Variants in TESK2 observed in about 807,000 individuals in gnomAD.
The protein encoded by TESK2 is testis associated actin remodelling kinase 2, also known as dual specificity testis-specific protein kinase 2.
In TESK2, 39 loss-of-function variants were observed where a neutral mutation model predicts 57.1. The ratio of observed to expected loss-of-function variants is 0.68; its 90% CI spans 0.53 to 0.89. TESK2 has a LOEUF of 0.89. Among genes scored for constraint, TESK2 ranks in the 40% least tolerant of loss-of-function variants. TESK2 has a pLI of 0.00. For missense variants in TESK2, 646 were observed against 732.1 expected (o/e 0.88, Z 1.36); for synonymous variants, 249 against 267.9 (o/e 0.93, Z 0.69).
intron 2 of TESK2, among the ~76,000 whole-genome samples, chr1:45,456,008 C>T (rs1260916430): frequency 6.6e-6 from 1 of 151,178 alleles, no homozygotes; most frequent in Non-Finnish European, 1.5e-5. Context: ...GCCTGGGCAA[C>T]AAGGTGAAAC....
intron 5 of TESK2, 51 bp from the exon 6 acceptor site, chr1:45,348,051 C>G: frequency 7.8e-7 from 1 of 1,283,314 alleles, no homozygotes; most frequent in Admixed American, 1.7e-5. Flanking sequence ...AAGCGGGGAT[C>G]AGCCATAGAG....
In TESK2 at chr1:45,344,544, T is replaced by C; in HGVS notation, c.*296A>G. 2.7e-6 allele frequency: 1 copy of C among 363,886 alleles called. No individual in the cohort carries two copies. Among genetic ancestry groups the C allele is most frequent in the South Asian group, 3.9e-5 (1 of 25,414 alleles). 22.5% of individuals were successfully genotyped at this position (363,886 alleles called of 1,614,324 possible). On this transcript the variant is annotated 3_prime_UTR_variant, in exon 11 of 11. Coordinates refer to ENST00000372086, the MANE Select transcript of TESK2 (RefSeq NM_007170.3). Reference sequence around the variant, plus strand: ...GCTGCCTGCCAGCTCAGCCTAGAACTAGACATCCTCTGGTCCTATCTGGGG... The same window carrying C: ...GCTGCCTGCCAGCTCAGCCTAGAACCAGACATCCTCTGGTCCTATCTGGGG...
At chr1:45,394,293 G>C (rs536487772) in intron 3 of TESK2, among the ~76,000 whole-genome samples, 1 of 149,556 alleles carries the variant, frequency 6.7e-6, no homozygotes, top group East Asian at 2.0e-4. Flanking sequence ...CTCCTGAGCA[G>C]CTGGGACTAC....
Position 45,345,867 on chromosome 1 carries a change from A to C in TESK2, c.997+10T>G. 6.2e-7 allele frequency: 1 copy of C among 1,610,088 alleles called. No homozygotes were observed. Among genetic ancestry groups the C allele is most frequent in the Non-Finnish European group, 8.5e-7 (1 of 1,176,696 alleles). On this transcript the variant is annotated intron_variant, in intron 10 of 10. Coordinates refer to ENST00000372086, the MANE Select transcript of TESK2 (RefSeq NM_007170.3). ...AGGGTTAGGTTGGGCTCCCTGGTCTAATCTCTTACCCCTGGCTGTGGGCTG... is the reference window on the plus strand; with the variant it reads ...AGGGTTAGGTTGGGCTCCCTGGTCTCATCTCTTACCCCTGGCTGTGGGCTG...
At chr1:45,424,297 C>T (rs1173116910) in intron 2 of TESK2, among the ~76,000 whole-genome samples, 1 of 152,130 alleles carries the variant, frequency 6.6e-6, no homozygotes, top group African/African-American at 2.4e-5. Context: ...TTCAGAGAGG[C>T]CAGGCAGAAG....
chr1:45,384,429 A>G (rs1348271062), intron 4 of TESK2, among the ~76,000 whole-genome samples: 1 of 150,386 alleles, frequency 6.6e-6, no homozygotes, highest in Non-Finnish European at 1.5e-5. Flanking sequence ...CTATCTATCT[A>G]TGTATCTAGA....
rs554222393 is a variant in TESK2 at position 45,452,508 on chromosome 1, A to T, written c.222+5056T>A. Reference sequence around the variant, plus strand: ...AATAAACAAAAGGACTTCACTAACAATCAGAGTACAAAAATTAAAATGAAT... The same window carrying T: ...AATAAACAAAAGGACTTCACTAACATTCAGAGTACAAAAATTAAAATGAAT... On this transcript the variant is annotated intron_variant, in intron 2 of 10. Transcript: ENST00000372086. Among the ~76,000 whole-genome samples the T allele has an allele frequency of 1.4e-4, 22 of 152,296 alleles. No individual in the cohort carries two copies. In the South Asian group the frequency reaches 3.3e-3, roughly 23 times the overall value.
intron 4 of TESK2, among the ~76,000 whole-genome samples, chr1:45,364,816 A>G (rs1246103632): frequency 1.3e-5 from 2 of 152,226 alleles, no homozygotes; most frequent in Admixed American, 6.5e-5. Context: ...GACATCTCAG[A>G]GATTCCAAAT....
intron 4 of TESK2, among the ~76,000 whole-genome samples, chr1:45,375,358 G>A (rs1042093433): frequency 4.7e-5 from 7 of 150,256 alleles, no homozygotes; most frequent in African/African-American, 1.7e-4. Flanking sequence ...CTGCCTCCAC[G>A]CCTTTGCATA....
intron 3 of TESK2, chr1:45,415,265 T>C: frequency 1.4e-6 from 2 of 1,404,674 alleles, no homozygotes; most frequent in South Asian, 2.3e-5. Flanking sequence ...ATGAATATTG[T>C]GGAGGCCATG....
intron 4 of TESK2, among the ~76,000 whole-genome samples, chr1:45,359,027 CTAA>C (rs1234971057): frequency 1.3e-5 from 2 of 152,210 alleles, no homozygotes; most frequent in African/African-American, 2.4e-5. Flanking sequence ...TCCTCTAAGC[CTAA>C]AATTTATATC....
At chr1:45,355,275 A>C in intron 5 of TESK2, 28 bp downstream of exon 5, 2 of 1,611,406 alleles carry the variant, frequency 1.2e-6, no homozygotes, top group Non-Finnish European at 1.7e-6. Context: ...GTATCTCTCA[A>C]TGAGTTGTGA....
At chr1:45,448,024 T>A (rs1570740966) in intron 2 of TESK2, among the ~76,000 whole-genome samples, 1 of 150,014 alleles carries the variant, frequency 6.7e-6, no homozygotes. Flanking sequence ...TGTGTGTGTG[T>A]GTGTGTGTGT....
intron 5 of TESK2, among the ~76,000 whole-genome samples, chr1:45,353,868 G>C (rs141221249): frequency 1.3e-5 from 2 of 152,264 alleles, no homozygotes; most frequent in Non-Finnish European, 2.9e-5. Flanking sequence ...TTTCTAACCT[G>C]GTCACACAGC....
At chr1:45,357,615 G>A (rs1012795601) in intron 4 of TESK2, among the ~76,000 whole-genome samples, 63 of 151,758 alleles carry the variant, frequency 4.2e-4, no homozygotes, top group African/African-American at 1.5e-3. Context: ...AGGAGGCCAA[G>A]GTGGGAGGAT....
chr1:45,407,166 A>G (rs1649879494), intron 3 of TESK2, among the ~76,000 whole-genome samples: 1 of 152,048 alleles, frequency 6.6e-6, no homozygotes, highest in Non-Finnish European at 1.5e-5. Context: ...GCTCACTGAA[A>G]CCTTGAACTC....
chr1:45,428,268 C>T (rs1650784524), intron 2 of TESK2, among the ~76,000 whole-genome samples: 1 of 152,136 alleles, frequency 6.6e-6, no homozygotes, highest in Non-Finnish European at 1.5e-5. Flanking sequence ...AAATCTTTCT[C>T]AAGATCGTAC....
At chr1:45,465,432 G>GAGAA (rs1361984291) in intron 1 of TESK2, among the ~76,000 whole-genome samples, 1 of 146,526 alleles carries the variant, frequency 6.8e-6, no homozygotes, top group African/African-American at 2.6e-5. Flanking sequence ...GAGAGAGAGA[G>GAGAA]AGAGAAAGAG....
chr1:45,386,136 G>GA (rs1648883785), intron 3 of TESK2, among the ~76,000 whole-genome samples, 176 bp from the exon 4 acceptor site: 1 of 152,028 alleles, frequency 6.6e-6, no homozygotes. Context: ...CCTGAGGTCA[G>GA]GAGTTCAAGA....
Sources: allele counts gnomAD v4.1 joint callset (sites outside exome capture counted in the v4.1 genomes callset), GRCh38; gene constraint gnomAD v4.1.1; transcripts MANE v1.5; gene names NCBI Gene and HGNC (gene_info 2026-07-23, HGNC 2026-07-21).